The following STXBP5L variants were observed in gnomAD, a reference collection of about 807,000 sequenced individuals.
STXBP5L encodes syntaxin-binding protein 5-like.
In STXBP5L, 65 loss-of-function variants were observed where a neutral mutation model predicts 144.5. The observed-to-expected ratio is 0.45, with a 90% CI of 0.37 to 0.55. STXBP5L has a LOEUF of 0.55. Ranked by LOEUF, STXBP5L falls within the 20% of genes least tolerant of loss-of-function variation. The pLI is 0.00. For missense variants in STXBP5L, 1,298 were observed against 1,405.5 expected (o/e 0.92, Z 1.22); for synonymous variants, 505 against 469.6 (o/e 1.08, Z -0.97).
intron 1 of STXBP5L, 28 bp downstream of exon 1, chr3:120,908,362 T>A (rs1164834849): frequency 6.5e-6 from 1 of 154,778 alleles, no homozygotes; most frequent in African/African-American, 2.4e-5. Flanking sequence ...CAGATAGTCA[T>A]CCCTCTGGGA....
intron 19 of STXBP5L, among the ~76,000 whole-genome samples, chr3:121,318,128 TCTC>T (rs910397351): frequency 6.6e-6 from 1 of 152,082 alleles, no homozygotes; most frequent in Non-Finnish European, 1.5e-5. Context: ...ATCAGTTACT[TCTC>T]CTTATTTTTT....
intron 19 of STXBP5L, among the ~76,000 whole-genome samples, chr3:121,281,917 T>A (rs1395925297): frequency 6.6e-6 from 1 of 151,704 alleles, no homozygotes; most frequent in African/African-American, 2.4e-5. Context: ...TACATATTAG[T>A]TACAAGCCAA....
At chr3:121,386,209 A>G (rs1170758584) in intron 22 of STXBP5L, among the ~76,000 whole-genome samples, 2 of 152,106 alleles carry the variant, frequency 1.3e-5, no homozygotes, top group Non-Finnish European at 2.9e-5. Context: ...CTCCCCATTT[A>G]TAGGTTTCAA....
At chr3:121,276,523 T>C (rs2050891292) in intron 18 of STXBP5L, among the ~76,000 whole-genome samples, 1 of 151,966 alleles carries the variant, frequency 6.6e-6, no homozygotes, top group Non-Finnish European at 1.5e-5. Flanking sequence ...CTTATTATTT[T>C]TGTAACCCAT....
intron 19 of STXBP5L, among the ~76,000 whole-genome samples, chr3:121,300,619 T>C (rs930707731): frequency 6.6e-6 from 1 of 151,746 alleles, no homozygotes; most frequent in Non-Finnish European, 1.5e-5. Flanking sequence ...AGAACAACCA[T>C]TAAAGAAAAT....
chr3:121,093,757 G>A (rs1254686788), intron 5 of STXBP5L, among the ~76,000 whole-genome samples: 1 of 152,006 alleles, frequency 6.6e-6, no homozygotes, highest in Non-Finnish European at 1.5e-5. Flanking sequence ...AGGGTTTTTT[G>A]TGTCTCTATT....
chr3:121,355,807 C>T (rs2045489355), intron 20 of STXBP5L, among the ~76,000 whole-genome samples: 1 of 152,194 alleles, frequency 6.6e-6, no homozygotes, highest in Non-Finnish European at 1.5e-5. Flanking sequence ...GCTCTGGTTT[C>T]TCTTCATCTA....
chr3:121,222,347 G>T (rs1215158533), intron 10 of STXBP5L, among the ~76,000 whole-genome samples: 1 of 152,006 alleles, frequency 6.6e-6, no homozygotes, highest in Non-Finnish European at 1.5e-5. Flanking sequence ...CAAAAATCTT[G>T]TTTAAAGTTA....
rs201882281 is a variant in STXBP5L at position 121,279,938 on chromosome 3, A to G, written c.2092A>G (p.Asn698Asp). Reference sequence around the variant, plus strand: ...GCGACAACCACGGTCTCCTCGAAAAAACAAACAGTTCATTGCAGGTAGGAG... The same window carrying G: ...GCGACAACCACGGTCTCCTCGAAAAGACAAACAGTTCATTGCAGGTAGGAG... ...YQRQPRSPRK[N>D]KQFIAGLTEL... is the part of the protein sequence containing the mutation. Residue 698 changes from asparagine to aspartate, a missense_variant, in exon 19 of 27, where the codon AAC (asparagine) becomes GAC (aspartate). Coordinates refer to ENST00000471454, the MANE Select transcript of STXBP5L (RefSeq NM_001308330.2). The G allele has an allele frequency of 2.0e-5, 33 of 1,612,082 alleles. No individual in the cohort carries two copies. Among genetic ancestry groups the G allele is most frequent in the Non-Finnish European group, 1.2e-5 (14 of 1,178,724 alleles).
At chr3:121,342,409 C>T (rs1290812934) in intron 20 of STXBP5L, among the ~76,000 whole-genome samples, 6 of 151,764 alleles carry the variant, frequency 4.0e-5, no homozygotes, top group African/African-American at 1.5e-4. Context: ...AGGTTAGTTA[C>T]ATATGTATAC....
chr3:121,076,043 G>A (rs567276540), intron 5 of STXBP5L, among the ~76,000 whole-genome samples: 7 of 152,316 alleles, frequency 4.6e-5, no homozygotes, highest in Admixed American at 2.6e-4. Flanking sequence ...GGAGTATGTT[G>A]TCTCCAATTT....
Position 121,148,482 on chromosome 3 carries a change from A to T in STXBP5L, c.670-3995A>T, listed in dbSNP as rs116696313. Among the ~76,000 whole-genome samples, 465 of 152,296 alleles carry T rather than the reference A, an allele frequency of 3.1e-3. 5 individuals are homozygous for T. The highest frequency in any genetic ancestry group is 0.011 in the African/African-American group (448 of 41,584). On this transcript the variant is annotated intron_variant, in intron 7 of 26. Transcript: ENST00000471454. ...CTAGGGAAAGAAAGGAATTTCATTA[A>T]TATGAACTTTGTTAATTTTCCCAAA...
chr3:121,159,237 A>C (rs924124350), intron 9 of STXBP5L, among the ~76,000 whole-genome samples: 7 of 151,922 alleles, frequency 4.6e-5, no homozygotes, highest in African/African-American at 1.7e-4. Context: ...ATTTAGTTTG[A>C]GATATTTTCT....
intron 22 of STXBP5L, among the ~76,000 whole-genome samples, chr3:121,392,117 C>A (rs766856009): frequency 1.3e-5 from 2 of 152,170 alleles, no homozygotes; most frequent in Non-Finnish European, 2.9e-5. Context: ...TGGCAGACAC[C>A]CCTCCCCAGC....
chr3:121,078,384 G>A (rs1198720256), intron 5 of STXBP5L, among the ~76,000 whole-genome samples: 1 of 152,230 alleles, frequency 6.6e-6, no homozygotes, highest in Non-Finnish European at 1.5e-5. Context: ...TAGATACAGA[G>A]TGCCAATTGG....
At chr3:121,398,791 A>G (rs2046798705) in intron 22 of STXBP5L, among the ~76,000 whole-genome samples, 1 of 152,290 alleles carries the variant, frequency 6.6e-6, no homozygotes, top group African/African-American at 2.4e-5. Context: ...TGCTTTCCTG[A>G]ATTTAAAAGG....
intron 9 of STXBP5L, among the ~76,000 whole-genome samples, chr3:121,205,497 A>G (rs1264106834): frequency 6.6e-6 from 1 of 152,188 alleles, no homozygotes; most frequent in African/African-American, 2.4e-5. Context: ...TGCATTGGGG[A>G]TTAAGTTTCC....
intron 20 of STXBP5L, among the ~76,000 whole-genome samples, chr3:121,344,890 C>A (rs1299515275): frequency 1.3e-5 from 2 of 150,402 alleles, no homozygotes; most frequent in South Asian, 4.2e-4. Context: ...TATTAAAATA[C>A]CCCAAAACTT....
intron 19 of STXBP5L, among the ~76,000 whole-genome samples, chr3:121,313,337 CG>C (rs1309369496): frequency 1.5e-5 from 2 of 129,916 alleles, no homozygotes; most frequent in East Asian, 2.5e-4. Context: ...GCTGGCCGGG[CG>C]GGGGGCTGAC....
Sources: gnomAD v4.1 joint callset for allele counts (sites outside exome capture counted in the v4.1 genomes callset) on GRCh38, gnomAD v4.1.1 for gene constraint, MANE v1.5 for transcripts, NCBI Gene and HGNC (gene_info 2026-07-23, HGNC 2026-07-21) for gene names.